Variants in PARP8 observed in about 807,000 individuals in gnomAD.
The protein encoded by PARP8 is protein mono-ADP-ribosyltransferase PARP8.
In PARP8, 51 loss-of-function variants were observed where a neutral mutation model predicts 124.1. The observed-to-expected ratio is 0.41, with a 90% CI of 0.33 to 0.52. The LOEUF is 0.52. PARP8 is among the 20% of genes least tolerant of loss of function. PARP8 has a pLI of 0.21. For missense variants in PARP8, 860 were observed against 1,018.9 expected, an observed-to-expected ratio of 0.84 and a Z score of 2.12; for synonymous variants, 391 against 361.5, an observed-to-expected ratio of 1.08 and a Z score of -0.93.
chr5:50,765,931 G>A (rs560984010), intron 7 of PARP8, among the ~76,000 whole-genome samples: 1 of 152,268 alleles, frequency 6.6e-6, no homozygotes, highest in Admixed American at 6.5e-5. Flanking sequence ...AGAACTTAAT[G>A]AAGTTTGAAG....
chr5:50,732,765 C>A (rs1457052824), intron 2 of PARP8, among the ~76,000 whole-genome samples: 2 of 151,680 alleles, frequency 1.3e-5, no homozygotes, highest in Non-Finnish European at 2.9e-5. Flanking sequence ...ACTACAGGCA[C>A]CCACCACCAC....
chr5:50,801,719 T>G (rs1743250256), intron 14 of PARP8, among the ~76,000 whole-genome samples: 1 of 152,244 alleles, frequency 6.6e-6, no homozygotes, highest in African/African-American at 2.4e-5. Context: ...GTGGGGGTAT[T>G]GAAGGCTCTG....
In PARP8 at chr5:50,728,866, T is replaced by C. The variant is rs190091996; in HGVS notation, c.147-21285T>C. On this transcript the variant is annotated intron_variant, in intron 2 of 25. Coordinates refer to ENST00000281631, the MANE Select transcript of PARP8 (RefSeq NM_024615.4). ...ATTTTAGACTAAGTTTTTCCATATT[T>C]TATATTGGAGATATATATGTACCTG... is the stretch of plus-strand genomic sequence containing the variant. 4.6e-5 allele frequency among the ~76,000 whole-genome samples: 7 copies of C among 152,234 alleles called. No individual in the cohort carries two copies. The East Asian group carries it at 9.6e-4, about 21-fold the overall frequency.
chr5:50,740,882 T>C (rs1757976830), intron 2 of PARP8, among the ~76,000 whole-genome samples: 1 of 152,192 alleles, frequency 6.6e-6, no homozygotes, highest in South Asian at 2.1e-4. Flanking sequence ...GAACTTATTT[T>C]ATTTGCCTTA....
chr5:50,742,878 T>C (rs1197809747), intron 2 of PARP8, among the ~76,000 whole-genome samples: 1 of 152,092 alleles, frequency 6.6e-6, no homozygotes, highest in Non-Finnish European at 1.5e-5. Context: ...GCGCTGCACA[T>C]TGAAGGAGTC....
intron 2 of PARP8, among the ~76,000 whole-genome samples, chr5:50,732,008 G>A (rs1425449925): frequency 6.6e-5 from 10 of 152,100 alleles, no homozygotes; most frequent in Non-Finnish European, 1.0e-4. Context: ...AGGGTTTTGT[G>A]TAAAATATGC....
At chr5:50,718,075 T>A (rs1755503142) in intron 2 of PARP8, among the ~76,000 whole-genome samples, 1 of 152,034 alleles carries the variant, frequency 6.6e-6, no homozygotes, top group Non-Finnish European at 1.5e-5. Flanking sequence ...GAAAATAGAT[T>A]ATACTGGAGT....
At chr5:50,778,725 C>A in intron 9 of PARP8, 75 bp downstream of exon 9, 1 of 905,528 alleles carries the variant, frequency 1.1e-6, no homozygotes, top group South Asian at 2.3e-5. Flanking sequence ...AATGCGTGTT[C>A]ATTTGTCAGT....
intron 2 of PARP8, among the ~76,000 whole-genome samples, chr5:50,690,855 G>A (rs1752418707): frequency 6.6e-6 from 1 of 152,130 alleles, no homozygotes; most frequent in African/African-American, 2.4e-5. Flanking sequence ...TCTTTGTTCA[G>A]TTCTCTCCCT....
Position 50,746,802 on chromosome 5 carries a change from A to C in PARP8, c.147-3349A>C, listed in dbSNP as rs189164922. Among the ~76,000 whole-genome samples, 15 of 152,274 alleles carry C rather than the reference A, an allele frequency of 9.9e-5. No homozygotes were observed. In the East Asian group the frequency reaches 2.9e-3, roughly 29 times the overall value. On this transcript the variant is annotated intron_variant, in intron 2 of 25. Transcript: ENST00000281631. ...AGTGCTTTAGAAGGCTGAGGCAGGA[A>C]GATCACTTGAGGCCAGATGTTTGAG...
At chr5:50,798,697 C>T (rs1250941275) in intron 14 of PARP8, among the ~76,000 whole-genome samples, 2 of 152,166 alleles carry the variant, frequency 1.3e-5, no homozygotes, top group Non-Finnish European at 2.9e-5. Context: ...GTTGGAATTA[C>T]AGGCGTGAAC....
At chr5:50,667,309 A>C in intron 1 of PARP8, 123 bp downstream of exon 1, 2 of 1,023,830 alleles carry the variant, frequency 2.0e-6, no homozygotes, top group Non-Finnish European at 3.0e-6. Flanking sequence ...TCATTTGGCA[A>C]CAGCTGCTGC....
intron 1 of PARP8, 103 bp downstream of exon 1, chr5:50,667,289 A>T: frequency 1.6e-6 from 2 of 1,223,172 alleles, no homozygotes; most frequent in South Asian, 2.4e-5. Flanking sequence ...GCACGTCCCC[A>T]TTCTGGGGTT....
intron 9 of PARP8, among the ~76,000 whole-genome samples, chr5:50,785,298 T>C (rs915317966): frequency 1.8e-4 from 27 of 152,172 alleles, no homozygotes; most frequent in African/African-American, 6.5e-4. Context: ...TATTAATTTA[T>C]AGGAATAATT....
rs764727150 is a variant in PARP8, at chr5:50,778,602, A to G, written c.622A>G (p.Ile208Val). Reference sequence around the variant, plus strand: ...TTGGGAAGTAATTCGAACAGAACCTATAATTGTTCGACTACACTGTTCACT... The same window carrying G: ...TTGGGAAGTAATTCGAACAGAACCTGTAATTGTTCGACTACACTGTTCACT... ...VAWEVIRTEP[I>V]IVRLHCSLTQ... The change falls in exon 9 of 26, where the codon ATA becomes GTA. Residue 208 changes from isoleucine (I) to valine (V), a missense_variant. This residue lies in a region of PARP8 where 517 missense variants were observed against 544.2 expected (regional missense o/e 0.95). Transcript: ENST00000281631. 17 of 1,609,748 alleles carry G rather than the reference A, an allele frequency of 1.1e-5. No individual in the cohort carries two copies. The East Asian group carries it at 3.1e-4, about 30-fold the overall frequency.
rs749499539 is a variant in PARP8, at chr5:50,843,943, A to T, written c.*1875A>T. 2 of 151,864 alleles carry T rather than the reference A, an allele frequency of 1.3e-5. No homozygotes were observed. The highest frequency in any genetic ancestry group is 2.9e-5 in the Non-Finnish European group (2 of 67,856). The allele number at this position is 151,864 out of a possible 1,614,324, so 9.4% of individuals were successfully genotyped here. A position where few individuals can be genotyped will look rare whatever the true frequency, so the allele number is the denominator to read the frequency against. ...ATCTTGGAACTCCACCTGTTTGACC[A>T]CTAGGACCACTGAGGCACCTCCAAT... On this transcript the variant is annotated 3_prime_UTR_variant, in exon 26 of 26. Coordinates refer to ENST00000281631, the MANE Select transcript of PARP8 (RefSeq NM_024615.4).
At chr5:50,700,610 A>G (rs2149474559) in intron 2 of PARP8, among the ~76,000 whole-genome samples, 1 of 152,310 alleles carries the variant, frequency 6.6e-6, no homozygotes, top group South Asian at 2.1e-4. Context: ...ACTGTGATCT[A>G]AATTTACTAA....
chr5:50,799,614 A>G (rs1041124713), intron 14 of PARP8, among the ~76,000 whole-genome samples: 1 of 152,118 alleles, frequency 6.6e-6, no homozygotes, highest in African/African-American at 2.4e-5. Context: ...TGGAATTTTG[A>G]TAGGGTTGCA....
chr5:50,727,334 C>T (rs1188441198), intron 2 of PARP8, among the ~76,000 whole-genome samples: 1 of 152,068 alleles, frequency 6.6e-6, no homozygotes, highest in Non-Finnish European at 1.5e-5. Context: ...GTACCCAGTC[C>T]CCGCTCCTGC....
Sources: allele counts gnomAD v4.1 joint callset (sites outside exome capture counted in the v4.1 genomes callset), GRCh38; gene constraint gnomAD v4.1.1; regional missense constraint gnomAD v4.1.1; transcripts MANE v1.5; gene names NCBI Gene and HGNC (gene_info 2026-07-23, HGNC 2026-07-21).